The following ADGRL2 variants were observed in gnomAD, a reference collection of about 807,000 sequenced individuals.
ADGRL2 encodes the protein calcium-independent alpha-latrotoxin receptor 2.
ADGRL2 carries 44 observed loss-of-function variants against 157.4 expected under a neutral mutation model. The observed-to-expected ratio is 0.28, with a 90% CI of 0.22 to 0.36. ADGRL2 has a LOEUF of 0.36. Among genes scored for constraint, ADGRL2 ranks in the 10% least tolerant of loss-of-function variants. ADGRL2 has a pLI of 1.00. For synonymous variants in ADGRL2, 585 were observed against 624.7 expected (o/e 0.94, Z 0.95); for missense variants, 1,510 against 1,768.9 (o/e 0.85, Z 2.63).
At chr1:81,754,426 TTTCTCCTCCTCC>T (rs1330436808) in intron 1 of ADGRL2, among the ~76,000 whole-genome samples, 1 of 147,828 alleles carries the variant, frequency 6.8e-6, no homozygotes, top group Non-Finnish European at 1.5e-5. Context: ...GCTTTTTTAT[TTTCTCCTCCTCC>T]TTCTCCTCCT....
chr1:81,671,988 C>T (rs1347225114), intron 3 of ADGRL2, among the ~76,000 whole-genome samples: 1 of 152,212 alleles, frequency 6.6e-6, no homozygotes, highest in Non-Finnish European at 1.5e-5. Context: ...AAAGAAAAAT[C>T]ATGTCAGCAT....
chr1:81,628,094 T>A (rs1296071769), intron 3 of ADGRL2, among the ~76,000 whole-genome samples: 1 of 152,214 alleles, frequency 6.6e-6, no homozygotes, highest in Non-Finnish European at 1.5e-5. Flanking sequence ...TACATATTAA[T>A]CTTTCAAGGT....
chr1:81,934,747 A>T (rs1407331476), intron 3 of ADGRL2, among the ~76,000 whole-genome samples: 2 of 151,938 alleles, frequency 1.3e-5, no homozygotes, highest in Non-Finnish European at 2.9e-5. Flanking sequence ...TCAAAACCTA[A>T]CAGTTTGGTT....
chr1:81,521,190 A>C (rs1179509650), intron 2 of ADGRL2, among the ~76,000 whole-genome samples: 2 of 152,202 alleles, frequency 1.3e-5, no homozygotes, highest in Non-Finnish European at 2.9e-5. Context: ...GCAGCTGATG[A>C]ATCCATATCT....
intron 1 of ADGRL2, among the ~76,000 whole-genome samples, chr1:81,403,701 A>G (rs1233632326): frequency 6.6e-6 from 1 of 152,174 alleles, no homozygotes; most frequent in Admixed American, 6.5e-5. Flanking sequence ...ACATTTACAT[A>G]CATTCTGCAG....
chr1:81,984,018 T>C (rs1662376399), intron 19 of ADGRL2, among the ~76,000 whole-genome samples: 1 of 151,986 alleles, frequency 6.6e-6, no homozygotes. Flanking sequence ...CCTTCCTAAT[T>C]AGAGGCAAAT....
chr1:81,658,242 C>T (rs776728398), intron 3 of ADGRL2, among the ~76,000 whole-genome samples: 13 of 152,022 alleles, frequency 8.6e-5, no homozygotes, highest in Admixed American at 5.2e-4. Context: ...ATTATAGGCA[C>T]GTGCCACCGC....
At chr1:81,616,300 C>T (rs899885778) in intron 3 of ADGRL2, among the ~76,000 whole-genome samples, 6 of 152,198 alleles carry the variant, frequency 3.9e-5, no homozygotes, top group African/African-American at 1.4e-4. Flanking sequence ...TCCCCATCAA[C>T]AGGTACCACA....
chr1:81,380,671 T>C (rs1242112226), intron 1 of ADGRL2, among the ~76,000 whole-genome samples: 1 of 152,212 alleles, frequency 6.6e-6, no homozygotes, highest in Non-Finnish European at 1.5e-5. Context: ...ATACATGGAA[T>C]TTTTACAAAT....
intron 1 of ADGRL2, among the ~76,000 whole-genome samples, chr1:81,758,850 T>C (rs925650016): frequency 9.2e-5 from 14 of 152,216 alleles, no homozygotes; most frequent in Non-Finnish European, 2.1e-4. Flanking sequence ...CTTAGTTTTC[T>C]AAGACATTTA....
chr1:81,617,761 C>A (rs913234748), intron 3 of ADGRL2, among the ~76,000 whole-genome samples: 2 of 152,216 alleles, frequency 1.3e-5, no homozygotes, highest in Non-Finnish European at 2.9e-5. Context: ...CCATTGCAAG[C>A]GCCATTCCTG....
At chr1:81,556,844 G>A (rs1570488623) in intron 2 of ADGRL2, among the ~76,000 whole-genome samples, 2 of 151,920 alleles carry the variant, frequency 1.3e-5, no homozygotes, top group African/African-American at 2.4e-5. Context: ...TTGGGAGGCC[G>A]AGGCGGGTGG....
At chr1:81,500,133 G>A (rs962709182) in intron 2 of ADGRL2, among the ~76,000 whole-genome samples, 1 of 152,204 alleles carries the variant, frequency 6.6e-6, no homozygotes, top group Non-Finnish European at 1.5e-5. Context: ...CGCTAAGATG[G>A]CTATTATTAA....
intron 2 of ADGRL2, among the ~76,000 whole-genome samples, chr1:81,876,420 C>A (rs1224312594): frequency 6.6e-6 from 1 of 151,868 alleles, no homozygotes; most frequent in Non-Finnish European, 1.5e-5. Flanking sequence ...TCCTATAAAC[C>A]TCTTAATAAT....
At chr1:81,430,417 A>G (rs1458793605) in intron 1 of ADGRL2, among the ~76,000 whole-genome samples, 10 of 152,156 alleles carry the variant, frequency 6.6e-5, no homozygotes, top group Admixed American at 6.5e-4. Flanking sequence ...AGCTCTGTCA[A>G]TGCCCCAGGG....
intron 1 of ADGRL2, among the ~76,000 whole-genome samples, chr1:81,733,153 T>C (rs1322222927): frequency 6.6e-6 from 1 of 152,202 alleles, no homozygotes; most frequent in Non-Finnish European, 1.5e-5. Context: ...TCCCTTGACA[T>C]TGTAAGGTCA....
chr1:81,571,045 CTG>C (rs1230160989), intron 2 of ADGRL2, among the ~76,000 whole-genome samples: 1 of 152,066 alleles, frequency 6.6e-6, no homozygotes, highest in Non-Finnish European at 1.5e-5. Context: ...GTAGGCCAGA[CTG>C]GGTGCAGCAG....
At chr1:81,543,931 A>G (rs2079951444) in intron 2 of ADGRL2, among the ~76,000 whole-genome samples, 1 of 152,092 alleles carries the variant, frequency 6.6e-6, no homozygotes, top group East Asian at 1.9e-4. Flanking sequence ...GCCTATTTAC[A>G]CCGGGTGTTC....
At chr1:81,772,469 C>G (rs2086414146) in intron 2 of ADGRL2, among the ~76,000 whole-genome samples, 1 of 152,082 alleles carries the variant, frequency 6.6e-6, no homozygotes. Context: ...CGGCTCACAC[C>G]TGTAATCCCA....
Sources: allele counts gnomAD v4.1 joint callset (sites outside exome capture counted in the v4.1 genomes callset), GRCh38; gene constraint gnomAD v4.1.1; transcripts MANE v1.5; gene names NCBI Gene and HGNC (gene_info 2026-07-23, HGNC 2026-07-21).